SLC12A2: variants seen among roughly 807,000 people sequenced by gnomAD.
SLC12A2 encodes Na-K-2Cl cotransporter 1.
A neutral mutation model predicts 136.3 loss-of-function variants in SLC12A2; 67 were observed. The observed-to-expected ratio is 0.49, with a 90% CI of 0.40 to 0.60. The LOEUF (loss-of-function observed/expected upper bound fraction) is 0.60, where lower values mean the gene tolerates loss of function less well. SLC12A2 is among the 20% of genes least tolerant of loss of function. SLC12A2 has a pLI of 0.00. For synonymous variants in SLC12A2, 619 were observed against 562.9 expected (o/e 1.10, Z -1.41); for missense variants, 1,322 against 1,534.7 (o/e 0.86, Z 2.32).
rs1561710146 is a variant in SLC12A2 at position 128,184,431 on chromosome 5, T to C, written c.3365T>C (p.Ile1122Thr). The C allele has an allele frequency of 1.2e-6, 2 of 1,605,692 alleles. No homozygotes were observed. The highest frequency in any genetic ancestry group is 2.2e-5 in the East Asian group (1 of 44,600). ...RLHEDDKEQD[I>T]ADKMKEDEPW... ...CATGAAGATGATAAAGAGCAAGATA[T>C]TGCAGATAAAATGAAAGAAGATGAA... The change falls in exon 25 of 27, where the codon ATT becomes ACT. Residue 1122 changes from isoleucine to threonine, a missense_variant. This residue lies in a region of SLC12A2 where 172 missense variants were observed against 227.4 expected (regional missense o/e 0.76). Transcript: ENST00000262461.
Position 128,161,741 on chromosome 5 carries a change from G to A in SLC12A2, c.2557G>A (p.Ala853Thr), listed in dbSNP as rs1241692153. The change falls in exon 17 of 27, where the codon GCA (alanine) becomes ACA (threonine). Residue 853 changes from alanine to threonine, a missense_variant. Physicochemically the swap from Ala to Thr is moderately conservative, Grantham distance 58 (BLOSUM62 0). This residue lies in a region of SLC12A2 where 226 missense variants were observed against 210.4 expected (regional missense o/e 1.07). Coordinates refer to ENST00000262461, the MANE Select transcript of SLC12A2 (RefSeq NM_001046.3). ...ATGGCTTATTAAGAACAAAATGAAG[G>A]CATTTTATGCTCCAGTACATGCAGA... ...QRWLIKNKMKAFYAPVHADDL... is the reference protein window; with the variant it reads ...QRWLIKNKMKTFYAPVHADDL... 1.3e-6 allele frequency: 2 copies of A among 1,532,336 alleles called. No individual in the cohort carries two copies. Among genetic ancestry groups the A allele is most frequent in the South Asian group, 1.3e-5 (1 of 75,932 alleles). 94.9% of individuals were successfully genotyped at this position (1,532,336 alleles called of 1,614,324 possible).
rs139698082 is a variant in SLC12A2, at chr5:128,172,780, G to T, written c.2803+1034G>T. ...GTTTGAGACCAGTCTGACCAGCATG[G>T]TGAAGCCCCGTCTCTACTAAAAATA... is the stretch of plus-strand genomic sequence containing the variant. On this transcript the variant is annotated intron_variant, in intron 19 of 26. Transcript: ENST00000262461. Among the ~76,000 whole-genome samples, 320 of 152,152 alleles carry T rather than the reference G, an allele frequency of 2.1e-3. 1 individual carries two copies. Among genetic ancestry groups the T allele is most frequent in the African/African-American group, 7.5e-3 (312 of 41,520 alleles).
chr5:128,184,614 A>G, intron 25 of SLC12A2, 113 bp downstream of exon 25: 1 of 1,323,268 alleles, frequency 7.6e-7, no homozygotes, highest in Non-Finnish European at 1.0e-6. Flanking sequence ...CTACTTTAAA[A>G]TAGATTTATT....
chr5:128,167,260 A>G (rs1478013234), intron 17 of SLC12A2, among the ~76,000 whole-genome samples: 3 of 152,130 alleles, frequency 2.0e-5, no homozygotes, highest in Non-Finnish European at 4.4e-5. Flanking sequence ...TGCAAGAAAA[A>G]TTGATGGAAT....
At chr5:128,129,475 CTT>C (rs549925133) in intron 4 of SLC12A2, among the ~76,000 whole-genome samples, 3 of 130,960 alleles carry the variant, frequency 2.3e-5, no homozygotes, top group Admixed American at 7.6e-5. Context: ...GGTTAGGTTG[CTT>C]TTTTTTTTTT....
intron 5 of SLC12A2, among the ~76,000 whole-genome samples, chr5:128,133,465 G>A (rs1247076589): frequency 6.6e-6 from 1 of 152,012 alleles, no homozygotes; most frequent in East Asian, 1.9e-4. Context: ...TTTCTTAAAA[G>A]AAGCAAATTG....
chr5:128,154,144 G>T (rs947250816), intron 15 of SLC12A2, among the ~76,000 whole-genome samples: 4 of 151,966 alleles, frequency 2.6e-5, no homozygotes, highest in Non-Finnish European at 5.9e-5. Context: ...GGGCATGTTG[G>T]TGCATGCCTG....
intron 16 of SLC12A2, among the ~76,000 whole-genome samples, chr5:128,161,441 C>G (rs1333255521): frequency 1.3e-5 from 2 of 152,072 alleles, no homozygotes; most frequent in Non-Finnish European, 2.9e-5. Context: ...TTCTCTTATT[C>G]TTTCTACTGG....
chr5:128,153,729 G>A (rs548048696), intron 15 of SLC12A2, among the ~76,000 whole-genome samples: 10 of 152,178 alleles, frequency 6.6e-5, no homozygotes, highest in African/African-American at 2.2e-4. Context: ...ACCCTGAAAC[G>A]TAGATAAATG....
chr5:128,126,966 A>ATATATATATTTTTTTT, intron 4 of SLC12A2, among the ~76,000 whole-genome samples: 7 of 21,160 alleles, frequency 3.3e-4, no homozygotes, highest in African/African-American at 1.2e-3. Flanking sequence ...ATATATATAT[A>ATATATATATTTTTTTT]TTTTTTTTTT....
At chr5:128,109,531 C>G in intron 1 of SLC12A2, 1 of 656,656 alleles carries the variant, frequency 1.5e-6, no homozygotes, top group Non-Finnish European at 2.8e-6. Flanking sequence ...GGGGACAGTT[C>G]CAGCACTTGC....
chr5:128,187,697 G>A lies in SLC12A2; in HGVS notation c.*1066G>A, dbSNP rs1043717839. 3 of 152,488 alleles carry A rather than the reference G, an allele frequency of 2.0e-5. No homozygotes were observed. The highest frequency in any genetic ancestry group is 7.2e-5 in the African/African-American group (3 of 41,412). 9.4% of individuals were successfully genotyped at this position (152,488 alleles called of 1,614,324 possible). ...TAGGCTTAATTCATTCAATTGTCAA[G>A]TACACTTAGTCTTAATACACTCAGG... On this transcript the variant is annotated 3_prime_UTR_variant, in exon 27 of 27. Coordinates refer to ENST00000262461, the MANE Select transcript of SLC12A2 (RefSeq NM_001046.3).
chr5:128,141,874 A>T lies in SLC12A2; in HGVS notation c.1666A>T (p.Ile556Phe), dbSNP rs1291857080. 6.2e-7 allele frequency: 1 copy of T among 1,613,850 alleles called. No individual in the cohort carries two copies. The highest frequency in any genetic ancestry group is 1.3e-5 in the African/African-American group (1 of 74,922). ...RDATGNVNDTIVTELTNCTSA... is the reference protein window; with the variant it reads ...RDATGNVNDTFVTELTNCTSA... Reference sequence around the variant, plus strand: ...TGCCACTGGAAACGTTAATGACACTATCGTAACAGAGCTAACAAACTGTAC... The same window carrying T: ...TGCCACTGGAAACGTTAATGACACTTTCGTAACAGAGCTAACAAACTGTAC... Residue 556 changes from isoleucine (I) to phenylalanine (F), a missense_variant, in exon 10 of 27, where the codon ATC becomes TTC. Ile to Phe is a conservative substitution (Grantham distance 21). This residue lies in a region of SLC12A2 where 294 missense variants were observed against 436.6 expected (regional missense o/e 0.67). Coordinates refer to ENST00000262461, the MANE Select transcript of SLC12A2 (RefSeq NM_001046.3).
At chr5:128,155,972 A>G (rs887136804) in intron 15 of SLC12A2, among the ~76,000 whole-genome samples, 4 of 152,056 alleles carry the variant, frequency 2.6e-5, no homozygotes, top group Admixed American at 2.0e-4. Flanking sequence ...AATGTAGCTT[A>G]CTTCTGCCCC....
intron 1 of SLC12A2, among the ~76,000 whole-genome samples, chr5:128,109,160 A>G (rs1330380479): frequency 6.6e-6 from 1 of 152,252 alleles, no homozygotes. Context: ...TTTTCTCACC[A>G]TTACAAAGCC....
chr5:128,085,304 CT>C (rs547846935), intron 1 of SLC12A2, among the ~76,000 whole-genome samples: 5 of 149,610 alleles, frequency 3.3e-5, no homozygotes, highest in Admixed American at 6.7e-5. Flanking sequence ...TGGCATAACT[CT>C]TTTTTTTTGC....
chr5:128,103,025 A>C (rs769133941), intron 1 of SLC12A2, among the ~76,000 whole-genome samples: 1 of 152,166 alleles, frequency 6.6e-6, no homozygotes, highest in Admixed American at 6.5e-5. Flanking sequence ...AGTTTTTGAC[A>C]ATTTTAAACA....
At chr5:128,156,422 G>A (rs890915375) in intron 15 of SLC12A2, among the ~76,000 whole-genome samples, 10 of 152,146 alleles carry the variant, frequency 6.6e-5, no homozygotes, top group African/African-American at 2.4e-4. Flanking sequence ...CAAGGTAGAT[G>A]TGCACTCTGC....
At chr5:128,102,435 AC>A (rs1406232269) in intron 1 of SLC12A2, among the ~76,000 whole-genome samples, 2 of 151,630 alleles carry the variant, frequency 1.3e-5, no homozygotes, top group Non-Finnish European at 2.9e-5. Context: ...GATTTTTGTC[AC>A]CTTTATGTAT....
Sources: gnomAD v4.1 joint callset for allele counts (sites outside exome capture counted in the v4.1 genomes callset) on GRCh38, gnomAD v4.1.1 for gene constraint, gnomAD v4.1.1 regional missense constraint, MANE v1.5 for transcripts, NCBI Gene and HGNC (gene_info 2026-07-23, HGNC 2026-07-21) for gene names.